Variants in MYO1H observed in about 807,000 individuals in gnomAD.
The protein encoded by MYO1H is unconventional myosin-Ih.
Under a neutral mutation model 149.3 loss-of-function variants are expected in MYO1H, and 118 were observed. The observed-to-expected ratio is 0.79, with a 90% CI of 0.68 to 0.92. The LOEUF is 0.92. MYO1H is among the 40% of genes least tolerant of loss of function. The probability of loss-of-function intolerance (pLI) is 0.00; values close to 1 mark genes in which losing one functional copy is unlikely to be tolerated. For missense variants in MYO1H, 1,212 were observed against 1,280.7 expected (o/e 0.95, Z 0.82); for synonymous variants, 447 against 465.2 (o/e 0.96, Z 0.50).
At chr12:109,330,289 T>C in the MYO1H span, among the ~76,000 whole-genome samples, 1 of 152,130 alleles carries the variant, frequency 6.6e-6, no homozygotes, top group Non-Finnish European at 1.5e-5. Context: ...CACACACACA[T>C]ACATATATAC....
At chr12:109,312,214 T>C in the MYO1H span, among the ~76,000 whole-genome samples, 1 of 151,482 alleles carries the variant, frequency 6.6e-6, no homozygotes, top group Admixed American at 6.6e-5. Context: ...TTTTTTTTTG[T>C]TTGTTTGTTT....
At chr12:109,360,612 T>C (rs904725785) in intron 1 of MYO1H, among the ~76,000 whole-genome samples, 2 of 152,188 alleles carry the variant, frequency 1.3e-5, no homozygotes, top group African/African-American at 4.8e-5. Flanking sequence ...GTGTGTTTGT[T>C]CCATGGAAAA....
At chr12:109,409,071 G>A (rs762974736) in intron 10 of MYO1H, among the ~76,000 whole-genome samples, 2 of 152,062 alleles carry the variant, frequency 1.3e-5, no homozygotes, top group Admixed American at 6.6e-5. Flanking sequence ...GATTGCAGGC[G>A]TGAGCCACCA....
intron 1 of MYO1H, among the ~76,000 whole-genome samples, chr12:109,381,610 G>GC (rs1869206084): frequency 6.6e-6 from 1 of 152,000 alleles, no homozygotes; most frequent in African/African-American, 2.4e-5. Context: ...TTCGAGACCA[G>GC]CCTGGCCAAC....
intron 1 of MYO1H, among the ~76,000 whole-genome samples, chr12:109,386,137 C>G (rs925290759): frequency 6.6e-6 from 1 of 152,200 alleles, no homozygotes; most frequent in Non-Finnish European, 1.5e-5. Context: ...TGTCTGGGCT[C>G]TTTCACTCAG....
the MYO1H span, among the ~76,000 whole-genome samples, chr12:109,320,210 A>C: frequency 6.6e-6 from 1 of 152,050 alleles, no homozygotes; most frequent in Non-Finnish European, 1.5e-5. Context: ...GCTGCTTGAG[A>C]AGCAGAGGTA....
At chr12:109,440,392 C>A (rs1872067548) in intron 24 of MYO1H, among the ~76,000 whole-genome samples, 1 of 152,100 alleles carries the variant, frequency 6.6e-6, no homozygotes, top group Admixed American at 6.6e-5. Flanking sequence ...GAATAGCATC[C>A]CTCAAGAGAT....
intron 7 of MYO1H, among the ~76,000 whole-genome samples, chr12:109,405,527 C>T (rs1006576634): frequency 3.9e-5 from 6 of 152,132 alleles, no homozygotes; most frequent in African/African-American, 1.4e-4. Flanking sequence ...GCCAGATGGT[C>T]TCGATCTCTT....
In MYO1H at chr12:109,415,621, G is replaced by A; in HGVS notation, c.1597+1G>A. 2 of 1,589,420 alleles carry A rather than the reference G, an allele frequency of 1.3e-6. No individual in the cohort carries two copies. The highest frequency in any genetic ancestry group is 1.7e-6 in the Non-Finnish European group (2 of 1,167,656). Reference sequence around the variant, plus strand: ...GGAGAGGTCACATACTGCACCAAGGGTGAGTGGCCGTGGGGTACAGGTGAC... The same window carrying A: ...GGAGAGGTCACATACTGCACCAAGGATGAGTGGCCGTGGGGTACAGGTGAC... On this transcript the variant is annotated splice_donor_variant, in intron 15 of 31. Transcript: ENST00000310903. LOFTEE classifies it high-confidence loss of function.
chr12:109,349,046 A>T (rs1280036193), intron 1 of MYO1H, among the ~76,000 whole-genome samples: 1 of 152,210 alleles, frequency 6.6e-6, no homozygotes, highest in Non-Finnish European at 1.5e-5. Flanking sequence ...CTGGTTTTAG[A>T]TGCCATTCTT....
chr12:109,435,676 C>T lies in MYO1H; in HGVS notation c.2140+563C>T, dbSNP rs112842168. On this transcript the variant is annotated intron_variant, in intron 21 of 31. Coordinates refer to ENST00000310903, the Ensembl canonical transcript of MYO1H. ...CTTTAAACCATGGTCTCATTCTGTT[C>T]TGAGAACAGACCTGTAAGGGAGGTG... Among the ~76,000 whole-genome samples the T allele has an allele frequency of 7.4e-4, 112 of 152,344 alleles. 1 individual carries two copies. Among genetic ancestry groups the T allele is most frequent in the African/African-American group, 2.5e-3 (103 of 41,584 alleles).
At chr12:109,312,526 C>T in the MYO1H span, among the ~76,000 whole-genome samples, 13 of 152,260 alleles carry the variant, frequency 8.5e-5, no homozygotes, top group South Asian at 6.2e-4. Flanking sequence ...TGAGTCACCA[C>T]GGCCCGGCCT....
chr12:109,405,998 C>T, exon 8 of MYO1H: 1 of 1,613,740 alleles, frequency 6.2e-7, no homozygotes, highest in East Asian at 2.2e-5. Flanking sequence ...GGCTGTGCCA[C>T]TATCCCAGAC....
In MYO1H at chr12:109,439,617, A is replaced by G; in HGVS notation, c.2295-14A>G. 6.2e-7 allele frequency: 1 copy of G among 1,602,272 alleles called. No individual in the cohort carries two copies. Among genetic ancestry groups the G allele is most frequent in the Non-Finnish European group, 8.5e-7 (1 of 1,172,470 alleles). On this transcript the variant is annotated splice_polypyrimidine_tract_variant and intron_variant, in intron 23 of 31. Coordinates refer to ENST00000310903, the Ensembl canonical transcript of MYO1H. The stretch of plus-strand genomic sequence containing the variant: ...AAATGGTCCAGAAAAGTAAGAAAAC[A>G]TTTTCCTTTTTAGGTTCATTAAAGG...
chr12:109,441,796 C>A, intron 26 of MYO1H, 88 bp downstream of exon 26: 1 of 916,602 alleles, frequency 1.1e-6, no homozygotes, highest in Non-Finnish European at 1.7e-6. Context: ...CCCATAATCT[C>A]AGCACTTTGG....
intron 1 of MYO1H, among the ~76,000 whole-genome samples, chr12:109,358,732 G>A (rs774086166): frequency 2.7e-4 from 41 of 150,294 alleles, no homozygotes; most frequent in Non-Finnish European, 7.4e-5. Flanking sequence ...TACCATGAGC[G>A]TTTTAGGTCT....
chr12:109,389,843 G>GA (rs1869564705), intron 2 of MYO1H, among the ~76,000 whole-genome samples: 4 of 152,134 alleles, frequency 2.6e-5, no homozygotes, highest in African/African-American at 9.7e-5. Flanking sequence ...TTGTAATGCT[G>GA]CTCGTGACTT....
At chr12:109,435,211 G>A in intron 21 of MYO1H, 98 bp downstream of exon 21, 2 of 740,358 alleles carry the variant, frequency 2.7e-6, no homozygotes, top group Non-Finnish European at 4.4e-6. Flanking sequence ...TATAGTGTTA[G>A]AAGCATTCGC....
chr12:109,407,855 T>C lies in MYO1H; in HGVS notation c.1097T>C (p.Val366Ala), dbSNP rs117442521. Residue 366 changes from valine (V) to alanine (A), a missense_variant, in exon 10 of 32, where the codon GTT (valine) becomes GCT (alanine). Val to Ala is a moderately conservative substitution (Grantham distance 64). Transcript: ENST00000310903. ...GCTAGAGATGCAATGGCAAAGGCTGTTTATGGACGAACGTTTACTTGGCTG... is the reference window on the plus strand; with the variant it reads ...GCTAGAGATGCAATGGCAAAGGCTGCTTATGGACGAACGTTTACTTGGCTG... 7 of 1,613,844 alleles carry C rather than the reference T, an allele frequency of 4.3e-6. No homozygotes were observed. In the African/African-American group the frequency reaches 8.0e-5, roughly 18 times the overall value.
Sources: allele counts gnomAD v4.1 joint callset (sites outside exome capture counted in the v4.1 genomes callset), GRCh38; gene constraint gnomAD v4.1.1; transcripts MANE v1.5; gene names NCBI Gene and HGNC (gene_info 2026-07-23, HGNC 2026-07-21).